ATAD3C: variants seen among roughly 807,000 people sequenced by gnomAD.
The protein encoded by ATAD3C is ATPase family AAA domain containing 3C.
ATAD3C carries 38 observed loss-of-function variants against 46.3 expected under a neutral mutation model. The ratio of observed to expected loss-of-function variants is 0.82; its 90% CI spans 0.63 to 1.08. ATAD3C has a LOEUF of 1.08. Among genes scored for constraint, ATAD3C ranks in the 50% least tolerant of loss-of-function variants. ATAD3C has a pLI of 0.00. For synonymous variants in ATAD3C, 220 were observed against 236.4 expected (o/e 0.93, Z 0.63); for missense variants, 563 against 572.7 (o/e 0.98, Z 0.17).
rs764883681 is a variant in ATAD3C at position 1,460,859 on chromosome 1, C to T, written c.922C>T (p.Arg308Cys). The T allele has an allele frequency of 2.5e-5, 40 of 1,612,998 alleles. No individual in the cohort carries two copies. The highest frequency in any genetic ancestry group is 9.4e-5 in the African/African-American group (7 of 74,862). The change falls in exon 10 of 12, where the codon CGC becomes TGC. Residue 308 changes from arginine to cysteine, a missense_variant. Physicochemically the swap from Arg to Cys is radical, Grantham distance 180. This residue lies in a region of ATAD3C where 273 missense variants were observed against 253.5 expected (regional missense o/e 1.08). Coordinates refer to ENST00000378785, the MANE Select transcript of ATAD3C (RefSeq NM_001039211.3). ...FDLPGQEERA[R>C]LVRMYLNEYV... Reference sequence around the variant, plus strand: ...CCTGCCAGGGCAGGAGGAGCGGGCGCGCCTGGTGAGAATGTATCTTAACGA... The same window carrying T: ...CCTGCCAGGGCAGGAGGAGCGGGCGTGCCTGGTGAGAATGTATCTTAACGA...
intron 8 of ATAD3C, among the ~76,000 whole-genome samples, chr1:1,457,831 C>G (rs1638992857): frequency 6.6e-6 from 1 of 151,104 alleles, no homozygotes; most frequent in African/African-American, 2.4e-5. Flanking sequence ...GCATCCGCCA[C>G]CACACCCAGC....
At chr1:1,457,724 A>G (rs1008963400) in intron 8 of ATAD3C, among the ~76,000 whole-genome samples, 9 of 150,184 alleles carry the variant, frequency 6.0e-5, no homozygotes, top group Non-Finnish European at 1.3e-4. Context: ...TTGTTGCCAG[A>G]GTGGAGTTCA....
chr1:1,450,355 G>T lies in ATAD3C; in HGVS notation c.-329G>T. On this transcript the variant is annotated 5_prime_UTR_variant, in exon 1 of 12. Coordinates refer to ENST00000378785, the MANE Select transcript of ATAD3C (RefSeq NM_001039211.3). ...AAAAAAAAAAAAGCATGTGTAACGT[G>T]AAAAAATGGACACTTTAGCCATCGC... is the stretch of plus-strand genomic sequence containing the variant. 1.5e-5 allele frequency: 4 copies of T among 264,926 alleles called. No homozygotes were observed. Among genetic ancestry groups the T allele is most frequent in the Non-Finnish European group, 2.9e-5 (4 of 137,562 alleles). The allele number at this position is 264,926 out of a possible 1,614,324, so 16.4% of individuals were successfully genotyped here.
chr1:1,455,326 G>T, intron 4 of ATAD3C, 134 bp from the exon 5 acceptor site: 1 of 1,330,974 alleles, frequency 7.5e-7, no homozygotes, highest in Non-Finnish European at 1.0e-6. Context: ...GCGGGGCGGG[G>T]TTCCAGCTCC....
At chr1:1,468,041 C>A (rs1212088652) in intron 11 of ATAD3C, among the ~76,000 whole-genome samples, 1 of 151,858 alleles carries the variant, frequency 6.6e-6, no homozygotes, top group Non-Finnish European at 1.5e-5. Flanking sequence ...CCCGGGGGCA[C>A]TGCCTGACCA....
intron 3 of ATAD3C, 57 bp downstream of exon 3, chr1:1,452,491 C>T (rs1252561394): frequency 9.9e-6 from 16 of 1,610,992 alleles, no homozygotes; most frequent in Middle Eastern, 1.7e-4. Context: ...ATGTGGGGGC[C>T]TCCTGGAGCC....
At position 1,454,537 on chromosome 1, in the gene ATAD3C, G is replaced by A. The variant is rs377148167; in HGVS notation, c.378+37G>A. 38 of 1,585,344 alleles carry A rather than the reference G, an allele frequency of 2.4e-5. 1 individual carries two copies. Among genetic ancestry groups the A allele is most frequent in the Non-Finnish European group, 4.3e-6 (5 of 1,170,376 alleles). The stretch of plus-strand genomic sequence containing the variant: ...GGCCTGGCCCTCCCTGAGTGCAAGT[G>A]CCTGGCTGAGTCCCTTCTGCCCCAC... On this transcript the variant is annotated intron_variant, in intron 4 of 11. Coordinates refer to ENST00000378785, the MANE Select transcript of ATAD3C (RefSeq NM_001039211.3).
intron 5 of ATAD3C, 58 bp from the exon 6 acceptor site, chr1:1,455,733 C>A: frequency 6.2e-7 from 1 of 1,605,006 alleles, no homozygotes; most frequent in Non-Finnish European, 8.5e-7. Flanking sequence ...GCAGCCCCTG[C>A]CCCCGAGGCT....
rs1239427694 is a variant in ATAD3C, at chr1:1,468,918, A to T, written c.*388A>T. The stretch of plus-strand genomic sequence containing the variant: ...GGAGGGAAGTGCACGCGAAACAGAC[A>T]CAGCGGCTTCAAATAGATGCCGCCC... On this transcript the variant is annotated 3_prime_UTR_variant, in exon 12 of 12. Transcript: ENST00000378785. The T allele has an allele frequency of 8.3e-6, 2 of 239,908 alleles. No individual in the cohort carries two copies. The highest frequency in any genetic ancestry group is 3.1e-3 in the Middle Eastern group (2 of 642). The allele number at this position is 239,908 out of a possible 1,614,324, so 14.9% of individuals were successfully genotyped here.
chr1:1,468,330 T>C lies in ATAD3C; in HGVS notation c.1090-54T>C, dbSNP rs555460533. On this transcript the variant is annotated intron_variant, in intron 11 of 11. Coordinates refer to ENST00000378785, the MANE Select transcript of ATAD3C (RefSeq NM_001039211.3). ...CCCACCTCAGGGCCCTGGCGTGCAT[T>C]TGGGGTGGGGGGTTCCCATGGCGGC... 10 of 1,568,844 alleles carry C rather than the reference T, an allele frequency of 6.4e-6. No homozygotes were observed. The East Asian group carries it at 2.0e-4, about 32-fold the overall frequency.
chr1:1,457,606 AAAAAAAAAC>A (rs1283135363), intron 8 of ATAD3C, among the ~76,000 whole-genome samples: 4 of 150,302 alleles, frequency 2.7e-5, no homozygotes, highest in Non-Finnish European at 4.4e-5. Flanking sequence ...AAAAAAAAAA[AAAAAAAAAC>A]AAAAAAAACA....
intron 11 of ATAD3C, among the ~76,000 whole-genome samples, chr1:1,464,702 C>T (rs1366366345): frequency 1.3e-5 from 2 of 151,726 alleles, no homozygotes; most frequent in Non-Finnish European, 2.9e-5. Flanking sequence ...ACCCTGGAGG[C>T]GGAGGTTCCA....
chr1:1,467,679 G>C (rs1215862024), intron 11 of ATAD3C, among the ~76,000 whole-genome samples: 1 of 152,102 alleles, frequency 6.6e-6, no homozygotes, highest in African/African-American at 2.4e-5. Flanking sequence ...TCCTCCAGGC[G>C]TCCTGGTGCG....
chr1:1,464,540 G>A (rs1570158853), intron 11 of ATAD3C, among the ~76,000 whole-genome samples: 1 of 151,958 alleles, frequency 6.6e-6, no homozygotes, highest in Non-Finnish European at 1.5e-5. Flanking sequence ...GGAAGCTGAG[G>A]TGGGTGGATT....
At chr1:1,454,298 G>A (rs1223770774) in intron 3 of ATAD3C, 47 bp from the exon 4 acceptor site, 3 of 1,568,272 alleles carry the variant, frequency 1.9e-6, no homozygotes, top group African/African-American at 1.4e-5. Context: ...GCTCTAGGAG[G>A]GAGGGACGGT....
chr1:1,458,208 T>C (rs1345668130), intron 8 of ATAD3C, among the ~76,000 whole-genome samples: 1 of 151,914 alleles, frequency 6.6e-6, no homozygotes, highest in Non-Finnish European at 1.5e-5. Context: ...TGAGAACTCC[T>C]GACCTCAAAT....
At position 1,462,444 on chromosome 1, in the gene ATAD3C, GT is replaced by G; in HGVS notation, c.981-155del. On this transcript the variant is annotated intron_variant, in intron 10 of 11. Coordinates refer to ENST00000378785, the MANE Select transcript of ATAD3C (RefSeq NM_001039211.3). This position sits in a 1 kb window ranked among gnomAD's most constrained non-coding sequence, Gnocchi z 4.5. ...CCTGCTCAGCCCAGGCCTGGCTTGC[GT>G]CAGGAAGGGGGCGGAACTTGGCTGT... is the stretch of plus-strand genomic sequence containing the variant. 2.5e-6 allele frequency: 2 copies of G among 790,430 alleles called. No individual in the cohort carries two copies. The highest frequency in any genetic ancestry group is 4.1e-6 in the Non-Finnish European group (2 of 487,306). 49.0% of individuals were successfully genotyped at this position (790,430 alleles called of 1,614,324 possible). A position where few individuals can be genotyped will look rare whatever the true frequency, so the allele number is the denominator to read the frequency against.
At position 1,457,615 on chromosome 1, in the gene ATAD3C, C is replaced by CAAAAAAAA. The variant is rs1041273067; in HGVS notation, c.741+436_741+443dup. Among the ~76,000 whole-genome samples the CAAAAAAAA allele has an allele frequency of 1.6e-4, 18 of 109,114 alleles. 2 individuals are homozygous for CAAAAAAAA. Among genetic ancestry groups the CAAAAAAAA allele is most frequent in the African/African-American group, 7.8e-4 (18 of 23,058 alleles). The allele number at this position is 109,114 out of a possible 152,430, so 71.6% of individuals were successfully genotyped here. On this transcript the variant is annotated intron_variant, in intron 8 of 11. Coordinates refer to ENST00000378785, the MANE Select transcript of ATAD3C (RefSeq NM_001039211.3). ...CATCTCAAAAAAAAAAAAAAAAAAA[C>CAAAAAAAA]AAAAAAAACAGCATTTTTTTAGGTC...
rs780771656 is a variant in ATAD3C at position 1,468,495 on chromosome 1, A to T, written c.1201A>T (p.Arg401Trp). ...QQMMRWLKGERPGPEDEQPSS is the reference protein window; with the variant it reads ...QQMMRWLKGEWPGPEDEQPSS ...GATGATGCGCTGGCTGAAGGGGGAG[A>T]GGCCTGGGCCCGAGGACGAGCAACC... The change falls in exon 12 of 12, where the codon AGG (arginine) becomes TGG (tryptophan). Residue 401 changes from arginine (R) to tryptophan (W), a missense_variant. Coordinates refer to ENST00000378785, the MANE Select transcript of ATAD3C (RefSeq NM_001039211.3). The T allele has an allele frequency of 6.2e-7, 1 of 1,610,986 alleles. No homozygotes were observed. Among genetic ancestry groups the T allele is most frequent in the African/African-American group, 1.3e-5 (1 of 74,776 alleles).
Sources: allele counts gnomAD v4.1 joint callset (sites outside exome capture counted in the v4.1 genomes callset), GRCh38; gene constraint gnomAD v4.1.1; regional missense constraint gnomAD v4.1.1; non-coding constraint Gnocchi (gnomAD v3.1); transcripts MANE v1.5; gene names NCBI Gene and HGNC (gene_info 2026-07-23, HGNC 2026-07-21).